SLC8A1: variants seen among roughly 807,000 people sequenced by gnomAD.
SLC8A1 encodes the protein sodium/calcium exchanger 1.
SLC8A1 carries 18 observed loss-of-function variants against 68.3 expected under a neutral mutation model. That is an observed-to-expected ratio of 0.26 (90% confidence interval 0.18 to 0.39). The LOEUF is 0.39. SLC8A1 is among the 10% of genes least tolerant of loss of function. The pLI is 1.00. For synonymous variants in SLC8A1, 475 were observed against 415.5 expected (o/e 1.14, Z -1.74); for missense variants, 985 against 1,156.7 (o/e 0.85, Z 2.15).
intron 2 of SLC8A1, among the ~76,000 whole-genome samples, chr2:40,414,283 C>T (rs1027091524): frequency 6.6e-6 from 1 of 152,154 alleles, no homozygotes; most frequent in Non-Finnish European, 1.5e-5. Flanking sequence ...ACAAAGACAG[C>T]TAGACCGTGG....
chr2:40,139,966 A>T (rs1388082699), intron 6 of SLC8A1, among the ~76,000 whole-genome samples: 1 of 152,188 alleles, frequency 6.6e-6, no homozygotes, highest in Non-Finnish European at 1.5e-5. Context: ...ATCTGGTAAG[A>T]CTTGTCACTT....
rs148253944 is a variant in SLC8A1 at position 40,410,970 on chromosome 2, C to T, written c.1808+17503G>A. On this transcript the variant is annotated intron_variant, in intron 2 of 7. Coordinates refer to ENST00000406785, the Ensembl canonical transcript of SLC8A1. ...TTTTGACCCCAAGAATGTGCCCTTT[C>T]TATAGTACTGCAATACAGCTGCAGG... 2.7e-3 allele frequency among the ~76,000 whole-genome samples: 413 copies of T among 152,060 alleles called. 1 individual carries two copies. Among genetic ancestry groups the T allele is most frequent in the African/African-American group, 9.2e-3 (382 of 41,530 alleles).
intron 2 of SLC8A1, among the ~76,000 whole-genome samples, chr2:40,408,798 T>C (rs1185109383): frequency 6.6e-6 from 1 of 152,128 alleles, no homozygotes; most frequent in Non-Finnish European, 1.5e-5. Flanking sequence ...TATTATCCCT[T>C]GCACTTGACT....
At chr2:40,221,076 C>CAAA (rs57366828) in intron 2 of SLC8A1, among the ~76,000 whole-genome samples, 19,438 of 151,766 alleles carry the variant, frequency 0.13, 1,323 homozygotes, top group Non-Finnish European at 0.14. Flanking sequence ...ACAACAACAA[C>CAAA]AAAAAAGAAA....
chr2:40,284,398 C>T (rs1382254962), intron 2 of SLC8A1, among the ~76,000 whole-genome samples: 3 of 145,852 alleles, frequency 2.1e-5, no homozygotes, highest in African/African-American at 7.5e-5. Flanking sequence ...TATATACATA[C>T]ACATATATTT....
chr2:40,475,253 C>T (rs1303503598), intron 1 of SLC8A1, among the ~76,000 whole-genome samples: 1 of 152,158 alleles, frequency 6.6e-6, no homozygotes, highest in Non-Finnish European at 1.5e-5. Flanking sequence ...CCTGCCTCAG[C>T]CTCCCACGTA....
At position 40,160,971 on chromosome 2, in the gene SLC8A1, T is replaced by C. The variant is rs943626304; in HGVS notation, c.2062-107A>G. Reference sequence around the variant, plus strand: ...CCAGAGTTATATAAAGGGTAGCAGATGTTAGGCTCAAAACAACAGTATTGA... The same window carrying C: ...CCAGAGTTATATAAAGGGTAGCAGACGTTAGGCTCAAAACAACAGTATTGA... On this transcript the variant is annotated intron_variant, in intron 5 of 7. Coordinates refer to ENST00000406785, the Ensembl canonical transcript of SLC8A1. 6.7e-6 allele frequency: 5 copies of C among 748,746 alleles called. No homozygotes were observed. The Admixed American group carries it at 1.2e-4, about 17-fold the overall frequency. 46.4% of individuals were successfully genotyped at this position (748,746 alleles called of 1,614,324 possible).
intron 2 of SLC8A1, among the ~76,000 whole-genome samples, chr2:40,188,437 A>G (rs1187534667): frequency 6.6e-6 from 1 of 152,232 alleles, no homozygotes; most frequent in Non-Finnish European, 1.5e-5. Context: ...ACGAGAATTT[A>G]GAATGACAAT....
At chr2:40,432,981 A>C (rs572368008) in intron 1 of SLC8A1, among the ~76,000 whole-genome samples, 133 of 152,244 alleles carry the variant, frequency 8.7e-4, no homozygotes, top group Non-Finnish European at 1.2e-3. Flanking sequence ...AAGAATCAGA[A>C]AGGTGAAATA....
At chr2:40,376,347 G>C (rs1278252873) in intron 2 of SLC8A1, among the ~76,000 whole-genome samples, 3 of 152,088 alleles carry the variant, frequency 2.0e-5, no homozygotes, top group Non-Finnish European at 2.9e-5. Flanking sequence ...ATTAGAGATA[G>C]ACAGTAGCTA....
At chr2:40,260,859 C>T (rs1479280346) in intron 2 of SLC8A1, among the ~76,000 whole-genome samples, 1 of 151,872 alleles carries the variant, frequency 6.6e-6, no homozygotes, top group African/African-American at 2.4e-5. Flanking sequence ...CATAGTCCGA[C>T]CTAAGAGTGT....
At position 40,436,772 on chromosome 2, in the gene SLC8A1, G is replaced by A. The variant is rs2192780; in HGVS notation, c.-24-6468C>T. Among the ~76,000 whole-genome samples the A allele has an allele frequency of 5.9e-3, 898 of 151,998 alleles. 10 individuals carry two copies. The highest frequency in any genetic ancestry group is 0.021 in the African/African-American group (852 of 41,460). The stretch of plus-strand genomic sequence containing the variant: ...TCTGCATGCTAACACGGAAATATGG[G>A]TAGAAAAAAGAAAGCTGGAGAAGAG... On this transcript the variant is annotated intron_variant, in intron 1 of 7. Coordinates refer to ENST00000406785, the Ensembl canonical transcript of SLC8A1.
chr2:40,169,913 C>G (rs1238659499), intron 4 of SLC8A1, among the ~76,000 whole-genome samples: 1 of 152,134 alleles, frequency 6.6e-6, no homozygotes, highest in African/African-American at 2.4e-5. Flanking sequence ...CCACTGCACT[C>G]CAGCTTGAGT....
chr2:40,358,938 T>A (rs906475620), intron 2 of SLC8A1, among the ~76,000 whole-genome samples: 1 of 152,102 alleles, frequency 6.6e-6, no homozygotes. Flanking sequence ...AGACGCTTTG[T>A]ACCTGAGAGG....
chr2:40,364,492 T>G (rs907921794), intron 2 of SLC8A1, among the ~76,000 whole-genome samples: 1 of 122,020 alleles, frequency 8.2e-6, no homozygotes, highest in Admixed American at 8.8e-5. Context: ...AACTTTACAA[T>G]CTAATAAAAT....
intron 2 of SLC8A1, among the ~76,000 whole-genome samples, chr2:40,327,712 A>C (rs1165898872): frequency 6.6e-6 from 1 of 152,180 alleles, no homozygotes; most frequent in East Asian, 1.9e-4. Context: ...CATTGGGTAC[A>C]CATGGACATA....
chr2:40,286,627 G>C (rs1027791974), intron 2 of SLC8A1, among the ~76,000 whole-genome samples: 51 of 152,104 alleles, frequency 3.4e-4, no homozygotes, highest in Non-Finnish European at 4.4e-5. Context: ...AAGAAACAAA[G>C]CAAACCCCTT....
chr2:40,124,224 C>A (rs534118278), intron 7 of SLC8A1, among the ~76,000 whole-genome samples: 1 of 152,292 alleles, frequency 6.6e-6, no homozygotes, highest in East Asian at 1.9e-4. Flanking sequence ...TATAAGGAAA[C>A]TTCGTTGTCA....
chr2:40,338,183 G>C (rs1490481130), intron 2 of SLC8A1, among the ~76,000 whole-genome samples: 2 of 152,060 alleles, frequency 1.3e-5, no homozygotes, highest in Non-Finnish European at 2.9e-5. Context: ...TAGTGGGGTA[G>C]CATCATGCAT....
Sources: allele counts gnomAD v4.1 joint callset (sites outside exome capture counted in the v4.1 genomes callset), GRCh38; gene constraint gnomAD v4.1.1; transcripts MANE v1.5; gene names NCBI Gene and HGNC (gene_info 2026-07-23, HGNC 2026-07-21).